The following LRRC4C variants were observed in gnomAD, a reference collection of about 807,000 sequenced individuals.
The protein encoded by LRRC4C is leucine rich repeat containing 4C, also known as leucine-rich repeat-containing protein 4C.
A neutral mutation model predicts 33.6 loss-of-function variants in LRRC4C; 5 were observed. The observed-to-expected ratio is 0.15, with a 90% CI of 0.08 to 0.31. The LOEUF (loss-of-function observed/expected upper bound fraction) is 0.31. Ranked by LOEUF, LRRC4C falls within the 10% of genes least tolerant of loss-of-function variation. The probability of loss-of-function intolerance (pLI) is 1.00; values close to 1 mark genes in which losing one functional copy is unlikely to be tolerated. For synonymous variants in LRRC4C, 329 were observed against 302.0 expected (o/e 1.09, Z -0.93); for missense variants, 560 against 796.7 (o/e 0.70, Z 3.58).
At chr11:40,845,427 G>A (rs937981384) in intron 2 of LRRC4C, among the ~76,000 whole-genome samples, 3 of 152,010 alleles carry the variant, frequency 2.0e-5, no homozygotes, top group Admixed American at 6.6e-5. Context: ...CTTCCAATGC[G>A]GAGGTTGGTT....
intron 1 of LRRC4C, among the ~76,000 whole-genome samples, chr11:41,286,222 C>T (rs114876207): frequency 0.01 from 1,596 of 152,250 alleles, 23 homozygotes; most frequent in African/African-American, 0.037. Flanking sequence ...TTCTCTTTCT[C>T]ACTTCACTCT....
Position 40,313,650 on chromosome 11 carries a change from C to T in LRRC4C, c.-176+5978G>A, listed in dbSNP as rs141161308. 2.2e-3 allele frequency among the ~76,000 whole-genome samples: 285 copies of T among 130,004 alleles called. 2 individuals are homozygous for T. Among genetic ancestry groups the T allele is most frequent in the African/African-American group, 8.2e-3 (277 of 33,836 alleles). The allele number at this position is 130,004 out of a possible 152,430, so 85.3% of individuals were successfully genotyped here. ...TGAGATGGAGTCTCGCTCTATCACC[C>T]AGACTGGAGTGTATTGGCGCAATCT... On this transcript the variant is annotated intron_variant, in intron 4 of 6. Transcript: ENST00000528697.
rs556310308 is a variant in LRRC4C at position 40,991,744 on chromosome 11, G to A, written c.-495-58021C>T. ...CAGATTCCTGGTATACACAGTTCAC[G>A]ATAGGGTTTGTGCTCCTTTGAGAAT... is the stretch of plus-strand genomic sequence containing the variant. On this transcript the variant is annotated intron_variant, in intron 1 of 6. Transcript: ENST00000528697. 1.5e-4 allele frequency among the ~76,000 whole-genome samples: 23 copies of A among 152,246 alleles called. No homozygotes were observed. The South Asian group carries it at 3.5e-3, about 23-fold the overall frequency.
Position 40,420,673 on chromosome 11 carries a change from G to A in LRRC4C, c.-269-100952C>T, listed in dbSNP as rs564567593. ...TAATTCAATGCTTACTAAATTGAAAGTAACATAAACAACCTGAATGGAGTG... is the reference window on the plus strand; with the variant it reads ...TAATTCAATGCTTACTAAATTGAAAATAACATAAACAACCTGAATGGAGTG... On this transcript the variant is annotated intron_variant, in intron 3 of 6. Coordinates refer to ENST00000528697, the MANE Select transcript of LRRC4C (RefSeq NM_001258419.2). 7.1e-3 allele frequency among the ~76,000 whole-genome samples: 1,074 copies of A among 152,288 alleles called. 10 individuals carry two copies. The highest frequency in any genetic ancestry group is 0.027 in the Middle Eastern group (8 of 292).
chr11:40,899,951 A>ACTAT (rs1491157843), intron 2 of LRRC4C, among the ~76,000 whole-genome samples: 1 of 152,106 alleles, frequency 6.6e-6, no homozygotes, highest in African/African-American at 2.4e-5. Context: ...GTACCTTAAG[A>ACTAT]CTATGTAAAT....
chr11:41,036,369 T>C (rs1355208615), intron 1 of LRRC4C, among the ~76,000 whole-genome samples: 1 of 152,164 alleles, frequency 6.6e-6, no homozygotes, highest in African/African-American at 2.4e-5. Context: ...GGGAACAGAA[T>C]TTCTGATCAT....
At chr11:41,005,163 T>C (rs1854652100) in intron 1 of LRRC4C, among the ~76,000 whole-genome samples, 2 of 152,162 alleles carry the variant, frequency 1.3e-5, no homozygotes, top group East Asian at 1.9e-4. Flanking sequence ...GGTTTGGACA[T>C]TTATCCCCTC....
chr11:40,777,164 A>T (rs1950032812), intron 2 of LRRC4C, among the ~76,000 whole-genome samples: 1 of 152,188 alleles, frequency 6.6e-6, no homozygotes, highest in African/African-American at 2.4e-5. Context: ...ATCTTAGAGT[A>T]TGTTCCATGT....
rs1325933349 is a variant in LRRC4C at position 40,795,072 on chromosome 11, A to G, written c.-407+138563T>C. Among the ~76,000 whole-genome samples, 4 of 152,162 alleles carry G rather than the reference A, an allele frequency of 2.6e-5. No homozygotes were observed. The South Asian group carries it at 6.2e-4, about 24-fold the overall frequency. ...TAGTGTTTTAACTGTATTTCTCATC[A>G]TGATCTCCTTTCATTGGTAACAGTC... On this transcript the variant is annotated intron_variant, in intron 2 of 6. Transcript: ENST00000528697.
At chr11:40,126,413 A>G (rs1157483818) in intron 6 of LRRC4C, among the ~76,000 whole-genome samples, 1 of 152,164 alleles carries the variant, frequency 6.6e-6, no homozygotes. Context: ...AACAACAACA[A>G]CAATGTGGCT....
At chr11:41,106,118 A>G (rs1013912354) in intron 1 of LRRC4C, among the ~76,000 whole-genome samples, 1 of 152,120 alleles carries the variant, frequency 6.6e-6, no homozygotes, top group Non-Finnish European at 1.5e-5. Flanking sequence ...ATGTACTGTA[A>G]TAAGTCAGTG....
At chr11:40,289,593 C>G (rs1944058870) in intron 4 of LRRC4C, among the ~76,000 whole-genome samples, 1 of 152,184 alleles carries the variant, frequency 6.6e-6, no homozygotes, top group Admixed American at 6.5e-5. Context: ...AAGTAAGTTT[C>G]CAGCTCTGTC....
At chr11:40,947,460 A>T (rs4485096) in intron 1 of LRRC4C, among the ~76,000 whole-genome samples, 37,051 of 152,040 alleles carry the variant, frequency 0.24, 4,940 homozygotes, top group Middle Eastern at 0.32. Flanking sequence ...TACTGAGGCA[A>T]GTCTTTTTTG....
intron 3 of LRRC4C, among the ~76,000 whole-genome samples, chr11:40,438,201 G>A (rs7115658): frequency 0.37 from 56,887 of 152,004 alleles, 11,357 homozygotes; most frequent in East Asian, 0.52. Flanking sequence ...CTTTATGTTT[G>A]CTTTGCCTGA....
intron 2 of LRRC4C, among the ~76,000 whole-genome samples, chr11:40,907,970 G>T (rs1213452933): frequency 6.6e-6 from 1 of 152,084 alleles, no homozygotes; most frequent in African/African-American, 2.4e-5. Context: ...AGATAAAGGT[G>T]AAATTATATC....
At chr11:41,396,999 G>A (rs151257756) in intron 1 of LRRC4C, among the ~76,000 whole-genome samples, 35 of 152,010 alleles carry the variant, frequency 2.3e-4, no homozygotes, top group African/African-American at 8.2e-4. Context: ...TCCCATCAAC[G>A]CTATGAAGAT....
chr11:40,790,585 G>A (rs115718644), intron 2 of LRRC4C, among the ~76,000 whole-genome samples: 1,902 of 152,310 alleles, frequency 0.012, 41 homozygotes, highest in African/African-American at 0.038. Context: ...AAGCAGCCAA[G>A]GAGATTTTCC....
chr11:41,136,716 T>C (rs1256676483), intron 1 of LRRC4C, among the ~76,000 whole-genome samples: 2 of 152,090 alleles, frequency 1.3e-5, no homozygotes, highest in Non-Finnish European at 2.9e-5. Context: ...CGAGTTGCCT[T>C]TCTGATTTCT....
chr11:41,292,728 A>G (rs1360442033), intron 1 of LRRC4C, among the ~76,000 whole-genome samples: 1 of 152,138 alleles, frequency 6.6e-6, no homozygotes, highest in Non-Finnish European at 1.5e-5. Context: ...TGATTTATGT[A>G]TCATCTCAAT....
Sources: gnomAD v4.1 joint callset for allele counts (sites outside exome capture counted in the v4.1 genomes callset) on GRCh38, gnomAD v4.1.1 for gene constraint, MANE v1.5 for transcripts, NCBI Gene and HGNC (gene_info 2026-07-23, HGNC 2026-07-21) for gene names.